Variants in MLLT3 observed in about 807,000 individuals in gnomAD.
MLLT3 encodes protein AF-9.
A neutral mutation model predicts 53.2 loss-of-function variants in MLLT3; 4 were observed. That is an observed-to-expected ratio of 0.08 (90% CI 0.04 to 0.17). MLLT3 has a LOEUF of 0.17. Among genes scored for constraint, MLLT3 ranks in the 10% least tolerant of loss-of-function variants. MLLT3 has a pLI of 1.00. For synonymous variants in MLLT3, 283 were observed against 230.6 expected, an observed-to-expected ratio of 1.23 and a Z score of -2.06; for missense variants, 569 against 684.0, an observed-to-expected ratio of 0.83 and a Z score of 1.87.
At chr9:20,390,921 T>C (rs1822163294) in intron 5 of MLLT3, among the ~76,000 whole-genome samples, 1 of 152,216 alleles carries the variant, frequency 6.6e-6, no homozygotes, top group South Asian at 2.1e-4. Context: ...AAGACTTGCC[T>C]AGGCAACATA....
chr9:20,575,373 CA>C, intron 2 of MLLT3, among the ~76,000 whole-genome samples: 1 of 152,220 alleles, frequency 6.6e-6, no homozygotes, highest in African/African-American at 2.4e-5. Context: ...ATTACAGATA[CA>C]ACTCGCAGAA....
intron 2 of MLLT3, among the ~76,000 whole-genome samples, chr9:20,552,354 AGT>A (rs1460731399): frequency 6.6e-6 from 1 of 152,208 alleles, no homozygotes; most frequent in Non-Finnish European, 1.5e-5. Context: ...CAAGGTAGCA[AGT>A]GTTCCATCTA....
intron 2 of MLLT3, among the ~76,000 whole-genome samples, chr9:20,550,759 T>C (rs1475995879): frequency 6.6e-6 from 1 of 152,136 alleles, no homozygotes; most frequent in African/African-American, 2.4e-5. Context: ...ATTTATTTTA[T>C]TTATTTAGTT....
At chr9:20,595,708 A>G (rs923750288) in intron 2 of MLLT3, among the ~76,000 whole-genome samples, 4 of 152,232 alleles carry the variant, frequency 2.6e-5, no homozygotes, top group African/African-American at 7.2e-5. Context: ...CGTTTGAAAG[A>G]TACAAAGTGT....
At chr9:20,510,975 A>C (rs1825521185) in intron 2 of MLLT3, among the ~76,000 whole-genome samples, 1 of 152,202 alleles carries the variant, frequency 6.6e-6, no homozygotes, top group African/African-American at 2.4e-5. Context: ...TCTCTATAGA[A>C]TATTATGCAG....
intron 2 of MLLT3, among the ~76,000 whole-genome samples, chr9:20,511,460 C>T (rs886489838): frequency 6.6e-6 from 1 of 152,152 alleles, no homozygotes; most frequent in Non-Finnish European, 1.5e-5. Flanking sequence ...GGAATCTTTA[C>T]AGTACAATTC....
intron 2 of MLLT3, among the ~76,000 whole-genome samples, chr9:20,514,515 TA>T (rs1158685548): frequency 2.0e-5 from 3 of 151,430 alleles, no homozygotes; most frequent in Admixed American, 2.0e-4. Flanking sequence ...ATTATTTTTT[TA>T]TTTTTTTTTT....
chr9:20,353,519 T>G lies in MLLT3; in HGVS notation c.1575+6A>C. 1 of 1,613,420 alleles carries G rather than the reference T, an allele frequency of 6.2e-7. No individual in the cohort carries two copies. The highest frequency in any genetic ancestry group is 8.5e-7 in the Non-Finnish European group (1 of 1,179,320). ...GGAAAGGGTTGTGCTAAAAAGCATTTCTCACCTGCTGCAGAATGTGTCTTT... is the reference window on the plus strand; with the variant it reads ...GGAAAGGGTTGTGCTAAAAAGCATTGCTCACCTGCTGCAGAATGTGTCTTT... On this transcript the variant is annotated splice_donor_region_variant and intron_variant, in intron 10 of 10. Transcript: ENST00000380338.
chr9:20,613,809 T>A lies in MLLT3; in HGVS notation c.193+6845A>T, dbSNP rs114636138. ...CCTGAGGAAATATAAACTGGGACAA[T>A]CTTTTTGGAGGAAAGTTTGGTAATA... On this transcript the variant is annotated intron_variant, in intron 2 of 10. Coordinates refer to ENST00000380338, the MANE Select transcript of MLLT3 (RefSeq NM_004529.4). Among the ~76,000 whole-genome samples, 1,276 of 152,220 alleles carry A rather than the reference T, an allele frequency of 8.4e-3. 21 individuals carry two copies. The highest frequency in any genetic ancestry group is 0.03 in the African/African-American group (1,228 of 41,528).
intron 2 of MLLT3, among the ~76,000 whole-genome samples, chr9:20,561,487 G>A (rs991482577): frequency 6.6e-6 from 1 of 152,126 alleles, no homozygotes; most frequent in Non-Finnish European, 1.5e-5. Flanking sequence ...GCTAATGATT[G>A]CTGGTTTTAA....
At chr9:20,544,957 T>A (rs868074456) in intron 2 of MLLT3, among the ~76,000 whole-genome samples, 54 of 151,918 alleles carry the variant, frequency 3.6e-4, no homozygotes, top group Middle Eastern at 6.8e-3. Context: ...GTGGCGCACA[T>A]CTGTAGTCCT....
chr9:20,546,539 A>AT (rs1355527683), intron 2 of MLLT3, among the ~76,000 whole-genome samples: 2 of 115,154 alleles, frequency 1.7e-5, no homozygotes, highest in Non-Finnish European at 3.7e-5. Flanking sequence ...GCAAGAACCT[A>AT]TCACTTAAAA....
intron 2 of MLLT3, among the ~76,000 whole-genome samples, chr9:20,544,726 T>C (rs1282133613): frequency 1.3e-5 from 2 of 152,174 alleles, no homozygotes; most frequent in Admixed American, 6.5e-5. Flanking sequence ...GCAATCCCAT[T>C]TCTGGGTATA....
chr9:20,555,043 G>A (rs1819019772), intron 2 of MLLT3, among the ~76,000 whole-genome samples: 1 of 152,126 alleles, frequency 6.6e-6, no homozygotes, highest in African/African-American at 2.4e-5. Flanking sequence ...CAAGTAGTCA[G>A]CTGGTGTCGA....
chr9:20,468,374 A>G (rs1824288573), intron 2 of MLLT3, among the ~76,000 whole-genome samples: 1 of 152,088 alleles, frequency 6.6e-6, no homozygotes, highest in Non-Finnish European at 1.5e-5. Flanking sequence ...AATGTTCCTC[A>G]CTTGGAGTTC....
intron 3 of MLLT3, among the ~76,000 whole-genome samples, chr9:20,449,370 G>T (rs1823786356): frequency 6.6e-6 from 1 of 152,212 alleles, no homozygotes; most frequent in Admixed American, 6.5e-5. Context: ...CTATGCAAAA[G>T]AATACAATAA....
At chr9:20,571,731 AT>A (rs1819538388) in intron 2 of MLLT3, among the ~76,000 whole-genome samples, 1 of 152,250 alleles carries the variant, frequency 6.6e-6, no homozygotes, top group African/African-American at 2.4e-5. Flanking sequence ...CTGAAAAGAC[AT>A]TCTAAAAGAC....
At chr9:20,578,314 T>A (rs1204963068) in intron 2 of MLLT3, among the ~76,000 whole-genome samples, 2 of 152,152 alleles carry the variant, frequency 1.3e-5, no homozygotes, top group Non-Finnish European at 2.9e-5. Context: ...TGAACTAACA[T>A]CTATTCTAAG....
chr9:20,516,848 G>C (rs189281014), intron 2 of MLLT3, among the ~76,000 whole-genome samples: 5 of 152,126 alleles, frequency 3.3e-5, no homozygotes, highest in Non-Finnish European at 4.4e-5. Context: ...TTTTACAACA[G>C]GATGAGATAA....
Sources: gnomAD v4.1 joint callset for allele counts (sites outside exome capture counted in the v4.1 genomes callset) on GRCh38, gnomAD v4.1.1 for gene constraint, MANE v1.5 for transcripts, NCBI Gene and HGNC (gene_info 2026-07-23, HGNC 2026-07-21) for gene names.